The following CLINT1 variants were observed in gnomAD, a reference collection of about 807,000 sequenced individuals.
CLINT1 encodes the protein clathrin interacting protein localized in the trans-Golgi region.
Under a neutral mutation model 70.4 loss-of-function variants are expected in CLINT1, and 15 were observed. That is an observed-to-expected ratio of 0.21 (90% confidence interval 0.14 to 0.33). The LOEUF is 0.33. CLINT1 is among the 10% of genes least tolerant of loss of function. The pLI is 1.00. For missense variants in CLINT1, 615 were observed against 778.1 expected (o/e 0.79, Z 2.49); for synonymous variants, 227 against 254.7 (o/e 0.89, Z 1.04).
intron 1 of CLINT1, among the ~76,000 whole-genome samples, chr5:157,856,545 C>T (rs888432912): frequency 1.3e-5 from 2 of 152,178 alleles, no homozygotes; most frequent in Non-Finnish European, 2.9e-5. Flanking sequence ...GATAATCAGA[C>T]CAACCATTCT....
chr5:157,829,606 T>C (rs1763156444), intron 1 of CLINT1, among the ~76,000 whole-genome samples: 1 of 151,182 alleles, frequency 6.6e-6, no homozygotes, highest in African/African-American at 2.4e-5. Context: ...CACTGCAGCC[T>C]CAACCTCCCT....
intron 1 of CLINT1, among the ~76,000 whole-genome samples, chr5:157,839,781 G>A (rs899777241): frequency 6.8e-6 from 1 of 147,036 alleles, no homozygotes; most frequent in African/African-American, 2.6e-5. Flanking sequence ...ATAATCAACT[G>A]TATAATCTCT....
At chr5:157,845,809 C>T (rs1342879328) in intron 1 of CLINT1, among the ~76,000 whole-genome samples, 1 of 152,226 alleles carries the variant, frequency 6.6e-6, no homozygotes, top group African/African-American at 2.4e-5. Context: ...CTGCCTCCAC[C>T]TCCCAAAGTG....
chr5:157,821,189 G>A (rs1762872295), intron 1 of CLINT1, among the ~76,000 whole-genome samples: 3 of 114,314 alleles, frequency 2.6e-5, no homozygotes, highest in South Asian at 5.8e-4. Context: ...ACACTTAAAG[G>A]TAACCAAGAA....
chr5:157,820,509 T>G (rs1237432210), intron 1 of CLINT1, among the ~76,000 whole-genome samples: 1 of 152,046 alleles, frequency 6.6e-6, no homozygotes, highest in Admixed American at 6.6e-5. Context: ...CATAAAGAAT[T>G]CCAAGACAAA....
intron 1 of CLINT1, among the ~76,000 whole-genome samples, chr5:157,820,618 AAAAGGT>A (rs779275154): frequency 3.0e-4 from 45 of 152,322 alleles, no homozygotes; most frequent in Non-Finnish European, 5.3e-4. Context: ...ACTATTTCTA[AAAAGGT>A]AGAAATGGCA....
intron 1 of CLINT1, among the ~76,000 whole-genome samples, chr5:157,827,581 G>T (rs895024968): frequency 1.3e-5 from 2 of 152,168 alleles, no homozygotes; most frequent in African/African-American, 4.8e-5. Context: ...ACTTTTCAAG[G>T]AAATAGTTTA....
At chr5:157,818,938 G>A (rs1762800916) in intron 1 of CLINT1, among the ~76,000 whole-genome samples, 1 of 152,132 alleles carries the variant, frequency 6.6e-6, no homozygotes. Flanking sequence ...TGTGAATATG[G>A]TAATTCAATT....
chr5:157,854,526 C>T (rs758500881), intron 1 of CLINT1, among the ~76,000 whole-genome samples: 1 of 152,040 alleles, frequency 6.6e-6, no homozygotes, highest in African/African-American at 2.4e-5. Context: ...TGAGTGTGAC[C>T]CTGTCTCAAA....
At chr5:157,849,922 C>T (rs1753513116) in intron 1 of CLINT1, among the ~76,000 whole-genome samples, 1 of 152,136 alleles carries the variant, frequency 6.6e-6, no homozygotes, top group African/African-American at 2.4e-5. Flanking sequence ...CAGCAGTAAA[C>T]AAAACAAAGT....
Position 157,858,926 on chromosome 5 carries a change from T to C in CLINT1, c.41+4A>G, listed in dbSNP as rs1159504753. On this transcript the variant is annotated splice_donor_region_variant and intron_variant, in intron 1 of 11. Coordinates refer to ENST00000411809, the MANE Select transcript of CLINT1 (RefSeq NM_014666.4). ...CTCGGCCACAACTGCCCCCCGATAC[T>C]CACGCTTTGTCCACCAGCTCGCGCA... is the stretch of plus-strand genomic sequence containing the variant. 1 of 1,301,036 alleles carries C rather than the reference T, an allele frequency of 7.7e-7. No homozygotes were observed. Among genetic ancestry groups the C allele is most frequent in the Admixed American group, 2.2e-5 (1 of 44,858 alleles). 80.6% of individuals were successfully genotyped at this position (1,301,036 alleles called of 1,614,324 possible).
At chr5:157,823,744 T>C (rs1581513401) in intron 1 of CLINT1, 1 of 820,048 alleles carries the variant, frequency 1.2e-6, no homozygotes, top group Admixed American at 6.2e-5. Context: ...AAAACACCCA[T>C]AAAATTAACA....
At position 157,787,942 on chromosome 5, in the gene CLINT1, G is replaced by C. The variant is rs542123307; in HGVS notation, c.1582C>G (p.Leu528Val). 3 of 1,612,618 alleles carry C rather than the reference G, an allele frequency of 1.9e-6. No homozygotes were observed. Among genetic ancestry groups the C allele is most frequent in the South Asian group, 2.2e-5 (2 of 90,842 alleles). ...VMTQSFGAVN[L>V]SSPSNMLPVR... ...GGAAGCATGTTCGATGGAGAACTGA[G>C]GTTCACAGCTCCAAAACTTTGAGTC... is the stretch of plus-strand genomic sequence containing the variant. Residue 528 changes from leucine to valine, a missense_variant, in exon 12 of 12, where the codon CTC (leucine) becomes GTC (valine). By Grantham distance (32) the Leu-to-Val change is conservative. This residue lies in a region of CLINT1 where 374 missense variants were observed against 409.6 expected (regional missense o/e 0.91). Transcript: ENST00000411809.
rs370291920 is a variant in CLINT1 at position 157,813,178 on chromosome 5, T to C, written c.402A>G (p.Glu134=). ...QGINIRQKVK[E]LVEFAQDDDR... The stretch of plus-strand genomic sequence containing the variant: ...CGTCATCCTGGGCAAATTCAACCAA[T>C]TCCTTCACCTTCTGTCGAATATTTA... The change falls in exon 5 of 12, where the codon GAA becomes GAG. Residue 134 remains glutamate, a synonymous_variant. Coordinates refer to ENST00000411809, the MANE Select transcript of CLINT1 (RefSeq NM_014666.4). 103 of 1,613,756 alleles carry C rather than the reference T, an allele frequency of 6.4e-5. No individual in the cohort carries two copies. The African/African-American group carries it at 1.3e-3, about 20-fold the overall frequency.
chr5:157,854,204 G>A (rs1753672054), intron 1 of CLINT1, among the ~76,000 whole-genome samples: 1 of 152,162 alleles, frequency 6.6e-6, no homozygotes, highest in African/African-American at 2.4e-5. Context: ...TGAAAGAAAA[G>A]AAAAGAAAAA....
rs1470623568 is a variant in CLINT1, at chr5:157,791,992, G to A, written c.1091C>T (p.Thr364Ile). ...AAAGTCTCCATTCCCACTTGTTGCTGTTACTAAGACAGAAATAACTCTAAG... is the reference window on the plus strand; with the variant it reads ...AAAGTCTCCATTCCCACTTGTTGCTATTACTAAGACAGAAATAACTCTAAG... ...AASGSFPSQV[T>I]ATSGNGDFGD... The change falls in exon 10 of 12, where the codon ACA (threonine) becomes ATA (isoleucine). Residue 364 changes from threonine to isoleucine, a missense_variant. Thr to Ile is a moderately conservative substitution (Grantham distance 89). Coordinates refer to ENST00000411809, the MANE Select transcript of CLINT1 (RefSeq NM_014666.4). The A allele has an allele frequency of 1.9e-6, 3 of 1,612,146 alleles. No individual in the cohort carries two copies. Among genetic ancestry groups the A allele is most frequent in the Non-Finnish European group, 8.5e-7 (1 of 1,179,024 alleles).
chr5:157,814,901 C>A (rs966481354), intron 3 of CLINT1, among the ~76,000 whole-genome samples: 3 of 151,790 alleles, frequency 2.0e-5, no homozygotes, highest in African/African-American at 7.3e-5. Context: ...GGCATGGTGG[C>A]CCACGCCTGT....
intron 1 of CLINT1, among the ~76,000 whole-genome samples, chr5:157,827,343 A>G (rs1763070662): frequency 1.3e-5 from 2 of 152,140 alleles, no homozygotes; most frequent in Non-Finnish European, 2.9e-5. Context: ...AACCCATTTT[A>G]TATAAAAGGT....
At chr5:157,840,459 A>G (rs1471573244) in intron 1 of CLINT1, among the ~76,000 whole-genome samples, 1 of 152,056 alleles carries the variant, frequency 6.6e-6, no homozygotes, top group Non-Finnish European at 1.5e-5. Context: ...TTTTAACTAC[A>G]CTGTGGCTAT....
Sources: gnomAD v4.1 joint callset for allele counts (sites outside exome capture counted in the v4.1 genomes callset) on GRCh38, gnomAD v4.1.1 for gene constraint, gnomAD v4.1.1 regional missense constraint, MANE v1.5 for transcripts, NCBI Gene and HGNC (gene_info 2026-07-23, HGNC 2026-07-21) for gene names.